Variants in STIM1 observed in about 807,000 individuals in gnomAD.
STIM1 encodes the protein stromal interaction molecule 1.
In STIM1, 25 loss-of-function variants were observed where a neutral mutation model predicts 74.7. The ratio of observed to expected loss-of-function variants is 0.33; its 90% CI spans 0.24 to 0.47. The LOEUF (loss-of-function observed/expected upper bound fraction) is 0.47, where lower values mean the gene tolerates loss of function less well. STIM1 is among the 20% of genes least tolerant of loss of function. The pLI, the probability that STIM1 is intolerant of heterozygous loss-of-function variation, is 1.00. For synonymous variants in STIM1, 328 were observed against 348.8 expected, an observed-to-expected ratio of 0.94 and a Z score of 0.66; for missense variants, 728 against 920.8, an observed-to-expected ratio of 0.79 and a Z score of 2.71.
At chr11:4,002,836 G>A (rs1292176767) in intron 2 of STIM1, among the ~76,000 whole-genome samples, 3 of 145,446 alleles carry the variant, frequency 2.1e-5, no homozygotes, top group Non-Finnish European at 3.0e-5. Flanking sequence ...TTGATAGACC[G>A]CTAGCAAGAC....
chr11:4,024,174 C>T (rs997586495), intron 3 of STIM1, among the ~76,000 whole-genome samples, 187 bp downstream of exon 3: 1 of 152,140 alleles, frequency 6.6e-6, no homozygotes, highest in Non-Finnish European at 1.5e-5. Flanking sequence ...GGAAGGTTCT[C>T]CAGAGTTGGC....
At chr11:4,000,116 G>A (rs949277564) in intron 2 of STIM1, among the ~76,000 whole-genome samples, 5 of 152,004 alleles carry the variant, frequency 3.3e-5, no homozygotes, top group African/African-American at 1.2e-4. Flanking sequence ...CACGGCTCAA[G>A]GAGGCCTGCC....
intron 3 of STIM1, among the ~76,000 whole-genome samples, chr11:4,048,540 A>G (rs1264889894): frequency 2.6e-5 from 4 of 151,652 alleles, no homozygotes; most frequent in Admixed American, 6.6e-5. Context: ...TCCTCCCACC[A>G]TTTTTCTTTA....
At chr11:4,006,579 A>G (rs939025359) in intron 2 of STIM1, among the ~76,000 whole-genome samples, 2 of 151,874 alleles carry the variant, frequency 1.3e-5, no homozygotes, top group African/African-American at 4.8e-5. Context: ...GATGGCAGCT[A>G]TTTTTTATAT....
intron 2 of STIM1, among the ~76,000 whole-genome samples, chr11:3,970,201 C>T (rs2093378963): frequency 6.6e-6 from 1 of 151,636 alleles, no homozygotes; most frequent in African/African-American, 2.4e-5. Flanking sequence ...CGAAATAACA[C>T]AAAAACTGTT....
intron 2 of STIM1, among the ~76,000 whole-genome samples, chr11:3,997,122 C>G (rs773814157): frequency 1.3e-5 from 2 of 152,214 alleles, no homozygotes; most frequent in Non-Finnish European, 2.9e-5. Context: ...CAAGCTGAAA[C>G]TTTTAATGCT....
Position 4,030,339 on chromosome 11 carries a change from A to AG in STIM1, c.385+6352_385+6353insG, listed in dbSNP as rs1554966830. 3.2e-4 allele frequency among the ~76,000 whole-genome samples: 48 copies of AG among 150,874 alleles called. 1 individual carries two copies. In the South Asian group the frequency reaches 6.2e-3, roughly 20 times the overall value. ...GAAACTCCATCTCAAAAAAAAAAAA[A>AG]AAAGAAAGAAAGAAAGAAAGCACCC... On this transcript the variant is annotated intron_variant, in intron 3 of 12. Transcript: ENST00000526596.
At chr11:3,879,440 T>C (rs2091419640) in intron 1 of STIM1, among the ~76,000 whole-genome samples, 1 of 152,240 alleles carries the variant, frequency 6.6e-6, no homozygotes, top group African/African-American at 2.4e-5. Context: ...TTTCACTTTC[T>C]GTTGGTTTCG....
At chr11:3,924,942 C>A (rs1171998128) in intron 1 of STIM1, among the ~76,000 whole-genome samples, 1 of 152,124 alleles carries the variant, frequency 6.6e-6, no homozygotes, top group Non-Finnish European at 1.5e-5. Context: ...CAGAACATAG[C>A]AAATACCCTT....
intron 3 of STIM1, among the ~76,000 whole-genome samples, chr11:4,025,318 G>C (rs2093990135): frequency 6.6e-6 from 1 of 152,204 alleles, no homozygotes; most frequent in Non-Finnish European, 1.5e-5. Flanking sequence ...GGATGGACAG[G>C]CTGATGCTTC....
chr11:4,088,640 G>A, intron 12 of STIM1: 1 of 1,474,630 alleles, frequency 6.8e-7, no homozygotes, highest in Non-Finnish European at 9.2e-7. Context: ...AGGAAGGGCG[G>A]AGAGGTACCT....
intron 1 of STIM1, among the ~76,000 whole-genome samples, chr11:3,941,325 G>A (rs1037272857): frequency 9.9e-5 from 15 of 152,270 alleles, no homozygotes; most frequent in African/African-American, 3.6e-4. Flanking sequence ...TGCATAAAGT[G>A]ATATTAAACA....
chr11:3,917,325 A>G (rs1253010763), intron 1 of STIM1, among the ~76,000 whole-genome samples: 1 of 152,072 alleles, frequency 6.6e-6, no homozygotes, highest in African/African-American at 2.4e-5. Context: ...AGAAGATCAT[A>G]TGGAGACAGA....
intron 2 of STIM1, among the ~76,000 whole-genome samples, chr11:3,983,706 C>A (rs1186219400): frequency 6.6e-6 from 1 of 152,172 alleles, no homozygotes; most frequent in Non-Finnish European, 1.5e-5. Flanking sequence ...CTATATCACT[C>A]CCAGAGGCCA....
intron 1 of STIM1, among the ~76,000 whole-genome samples, chr11:3,905,344 G>A (rs2092447397): frequency 6.6e-6 from 1 of 151,832 alleles, no homozygotes; most frequent in African/African-American, 2.4e-5. Context: ...ATTTTGAAGA[G>A]GCAGCAGAGG....
intron 2 of STIM1, among the ~76,000 whole-genome samples, chr11:4,016,163 T>C (rs2093894705): frequency 6.6e-6 from 1 of 152,220 alleles, no homozygotes; most frequent in Admixed American, 6.5e-5. Context: ...TGTTCTGGTT[T>C]CTCCCCATCT....
chr11:3,985,013 CCCAGA>C (rs2093544898), intron 2 of STIM1, among the ~76,000 whole-genome samples: 1 of 152,116 alleles, frequency 6.6e-6, no homozygotes, highest in South Asian at 2.1e-4. Flanking sequence ...GGTACCAGTT[CCCAGA>C]CAAGCTGAGC....
chr11:4,000,358 C>T (rs996636320), intron 2 of STIM1, among the ~76,000 whole-genome samples: 233 of 152,010 alleles, frequency 1.5e-3, no homozygotes, highest in Non-Finnish European at 2.7e-3. Context: ...ACTGACAACT[C>T]ACATGGCCAG....
At chr11:4,019,964 G>T (rs1211947834) in intron 2 of STIM1, among the ~76,000 whole-genome samples, 1 of 152,096 alleles carries the variant, frequency 6.6e-6, no homozygotes, top group African/African-American at 2.4e-5. Flanking sequence ...ACCCTTCCCA[G>T]ATTCTGGTAA....
Sources: allele counts gnomAD v4.1 joint callset (sites outside exome capture counted in the v4.1 genomes callset), GRCh38; gene constraint gnomAD v4.1.1; transcripts MANE v1.5; gene names NCBI Gene and HGNC (gene_info 2026-07-23, HGNC 2026-07-21).